Variants in GPX5 observed in about 807,000 individuals in gnomAD.
GPX5 encodes epididymal secretory glutathione peroxidase.
A neutral mutation model predicts 23.8 loss-of-function variants in GPX5; 20 were observed. The ratio of observed to expected loss-of-function variants is 0.84; its 90% CI spans 0.59 to 1.22. GPX5 has a LOEUF of 1.22. GPX5 is among the 50% of genes most tolerant of loss of function. The pLI is 0.00. For synonymous variants in GPX5, 92 were observed against 99.5 expected, an observed-to-expected ratio of 0.92 and a Z score of 0.45; for missense variants, 230 against 266.6, an observed-to-expected ratio of 0.86 and a Z score of 0.96.
chr6:28,527,804 T>G (rs1310100696), intron 1 of GPX5: 2 of 152,240 alleles, frequency 1.3e-5, no homozygotes, highest in Admixed American at 6.5e-5. Context: ...GGGATCAGCA[T>G]GTGCTGGTGA....
chr6:28,530,739 C>T lies in GPX5; in HGVS notation c.242-1039C>T, dbSNP rs114686674. Among the ~76,000 whole-genome samples the T allele has an allele frequency of 6.0e-3, 913 of 152,204 alleles. 6 individuals carry two copies. Among genetic ancestry groups the T allele is most frequent in the Middle Eastern group, 0.017 (5 of 294 alleles). Reference sequence around the variant, plus strand: ...TTTAAGAATCGATTTATTCAGTTTCCACCCTGCAAATAACAGATAACAGAA... The same window carrying T: ...TTTAAGAATCGATTTATTCAGTTTCTACCCTGCAAATAACAGATAACAGAA... On this transcript the variant is annotated intron_variant, in intron 2 of 4. Coordinates refer to ENST00000412168, the MANE Select transcript of GPX5 (RefSeq NM_001509.3).
At chr6:28,531,083 A>G (rs987334584) in intron 2 of GPX5, among the ~76,000 whole-genome samples, 2 of 152,078 alleles carry the variant, frequency 1.3e-5, no homozygotes, top group Non-Finnish European at 2.9e-5. Context: ...AGGATTGTTG[A>G]TTTCAGATTT....
At chr6:28,528,235 G>A (rs977143086) in intron 1 of GPX5, 1 of 152,188 alleles carries the variant, frequency 6.6e-6, no homozygotes, top group Non-Finnish European at 1.5e-5. Context: ...AGAGTGACAG[G>A]AGAAATTTAT....
intron 1 of GPX5, chr6:28,528,572 G>C (rs1416723772): frequency 1.3e-5 from 2 of 152,024 alleles, no homozygotes; most frequent in African/African-American, 4.8e-5. Flanking sequence ...TCAATCCAGA[G>C]CCAAGGAGTA....
intron 4 of GPX5, 59 bp from the exon 5 acceptor site, chr6:28,533,885 ACCTGTGGGTAAAAATAG>A: frequency 2.2e-6 from 2 of 902,598 alleles, no homozygotes; most frequent in Non-Finnish European, 3.3e-6. Flanking sequence ...GGGGTGGATT[ACCTGTGGGTAAAAATAG>A]CCTGGATCAT....
intron 1 of GPX5, among the ~76,000 whole-genome samples, chr6:28,528,795 GTATATATATATA>G (rs201498971): frequency 3.1e-5 from 4 of 128,232 alleles, no homozygotes; most frequent in East Asian, 4.4e-4. Context: ...ATATATATGT[GTATATATATATA>G]TGTGTGTATA....
At chr6:28,531,387 A>G (rs1419197488) in intron 2 of GPX5, among the ~76,000 whole-genome samples, 1 of 100,096 alleles carries the variant, frequency 1.0e-5, no homozygotes, top group Non-Finnish European at 2.0e-5. Context: ...AAAAAAAAAA[A>G]AAAAAAGAAA....
chr6:28,526,382 A>G (rs1763208538), intron 1 of GPX5, among the ~76,000 whole-genome samples: 1 of 152,176 alleles, frequency 6.6e-6, no homozygotes, highest in Non-Finnish European at 1.5e-5. Context: ...TGGCCACATC[A>G]GTCTCTGCTT....
At chr6:28,529,698 T>G (rs778151837) in intron 2 of GPX5, 94 bp downstream of exon 2, 3 of 959,720 alleles carry the variant, frequency 3.1e-6, no homozygotes, top group Non-Finnish European at 4.4e-6. Flanking sequence ...ATTATAATTA[T>G]GTACCAAAAT....
rs1763258203 is a variant in GPX5 at position 28,528,842 on chromosome 6, TA to T, written c.88-608del. Among the ~76,000 whole-genome samples the T allele has an allele frequency of 6.5e-4, 2 of 3,094 alleles. 1 individual carries two copies. The highest frequency in any genetic ancestry group is 0.027 in the South Asian group (2 of 74). The allele number at this position is 3,094 out of a possible 152,430, so 2.0% of individuals were successfully genotyped here. On this transcript the variant is annotated intron_variant, in intron 1 of 4. Transcript: ENST00000412168. ...ATATATATATATATATATATATATA[TA>T]TATATATATATATATATATATATAT...
Position 28,534,226 on chromosome 6 carries a change from A to G in GPX5, c.*59A>G. On this transcript the variant is annotated 3_prime_UTR_variant, in exon 5 of 5. Coordinates refer to ENST00000412168, the MANE Select transcript of GPX5 (RefSeq NM_001509.3). ...TCTCACCTAATGACTTGCTCTCCCC[A>G]CCCCTCCAAAAAAAAGGAATACCCA... 1.6e-6 allele frequency: 2 copies of G among 1,249,788 alleles called. No individual in the cohort carries two copies. Among genetic ancestry groups the G allele is most frequent in the Non-Finnish European group, 2.2e-6 (2 of 915,994 alleles). 77.4% of individuals were successfully genotyped at this position (1,249,788 alleles called of 1,614,324 possible).
intron 2 of GPX5, among the ~76,000 whole-genome samples, chr6:28,530,346 G>A (rs922481948): frequency 2.0e-5 from 3 of 151,974 alleles, no homozygotes; most frequent in Admixed American, 2.0e-4. Flanking sequence ...CAATCAGGAT[G>A]GATTATACCA....
At position 28,529,457 on chromosome 6, in the gene GPX5, T is replaced by G. The variant is rs554303695; in HGVS notation, c.94T>G (p.Cys32Gly). 2.1e-5 allele frequency: 33 copies of G among 1,605,180 alleles called. No homozygotes were observed. The South Asian group carries it at 3.5e-4, about 17-fold the overall frequency. Residue 32 changes from cysteine to glycine, a missense_variant, in exon 2 of 5, where the codon TGC becomes GGC. Physicochemically the swap from Cys to Gly is radical, Grantham distance 159. Transcript: ENST00000412168. ...SPKQEKMKMD[C>G]HKDEKGTIYD... ...CTTAAAAAAAATCTTCCAGATGGAT[T>G]GCCACAAAGACGAGAAAGGCACCAT...
intron 2 of GPX5, among the ~76,000 whole-genome samples, chr6:28,530,413 TTA>T (rs1763291042): frequency 6.6e-6 from 1 of 152,202 alleles, no homozygotes; most frequent in Admixed American, 6.5e-5. Context: ...TTGTTTTTAA[TTA>T]TGTTTTGAAT....
Position 28,534,797 on chromosome 6 carries a change from C to T in GPX5, c.*630C>T, listed in dbSNP as rs1763397909. ...TATCTCTGGCCCTACAAAAGTTTTC[C>T]TAATTGTCTGATCTTTAGTGCATTC... On this transcript the variant is annotated 3_prime_UTR_variant, in exon 5 of 5. Transcript: ENST00000412168. The T allele has an allele frequency of 6.6e-6, 1 of 152,190 alleles. No individual in the cohort carries two copies. The highest frequency in any genetic ancestry group is 2.4e-5 in the African/African-American group (1 of 41,426). 9.4% of individuals were successfully genotyped at this position (152,190 alleles called of 1,614,324 possible).
At chr6:28,529,689 T>A in intron 2 of GPX5, 85 bp downstream of exon 2, 4 of 967,896 alleles carry the variant, frequency 4.1e-6, no homozygotes, top group Non-Finnish European at 5.8e-6. Context: ...TATATTTTAA[T>A]TATAATTATG....
chr6:28,526,530 A>G (rs2113626611), intron 1 of GPX5, among the ~76,000 whole-genome samples: 1 of 152,274 alleles, frequency 6.6e-6, no homozygotes, highest in African/African-American at 2.4e-5. Flanking sequence ...ACGAATGTGG[A>G]AGTTTTAAGG....
intron 1 of GPX5, among the ~76,000 whole-genome samples, chr6:28,529,054 G>A (rs1036335321): frequency 6.6e-6 from 1 of 151,190 alleles, no homozygotes; most frequent in African/African-American, 2.4e-5. Context: ...ACCCTGTTGT[G>A]CTATCAAATA....
At chr6:28,533,120 CA>C (rs1401443038) in intron 4 of GPX5, among the ~76,000 whole-genome samples, 1 of 151,582 alleles carries the variant, frequency 6.6e-6, no homozygotes, top group African/African-American at 2.4e-5. Context: ...GACACTGTCT[CA>C]AAAAAACAAA....
Sources: allele counts gnomAD v4.1 joint callset (sites outside exome capture counted in the v4.1 genomes callset), GRCh38; gene constraint gnomAD v4.1.1; transcripts MANE v1.5; gene names NCBI Gene and HGNC (gene_info 2026-07-23, HGNC 2026-07-21).